The following HMCN1 variants were observed in gnomAD, a reference collection of about 807,000 sequenced individuals.
HMCN1 encodes hemicentin 1.
In HMCN1, 321 loss-of-function variants were observed where a neutral mutation model predicts 625.9. The observed-to-expected ratio is 0.51, with a 90% CI of 0.47 to 0.56. HMCN1 has a LOEUF of 0.56. Among genes scored for constraint, HMCN1 ranks in the 20% least tolerant of loss-of-function variants. The probability of loss-of-function intolerance (pLI) is 0.00; values close to 1 mark genes in which losing one functional copy is unlikely to be tolerated. For synonymous variants in HMCN1, 2,425 were observed against 2,417.6 expected (o/e 1.00, Z -0.09); for missense variants, 6,588 against 6,887.3 (o/e 0.96, Z 1.54).
intron 11 of HMCN1, among the ~76,000 whole-genome samples, chr1:185,938,928 GA>G (rs1268638587): frequency 1.3e-5 from 2 of 152,008 alleles, no homozygotes; most frequent in Non-Finnish European, 2.9e-5. Context: ...GAAAAAAAAG[GA>G]ATCCAAGAAT....
intron 1 of HMCN1, among the ~76,000 whole-genome samples, chr1:185,790,894 T>G (rs939968854): frequency 6.6e-6 from 1 of 152,190 alleles, no homozygotes; most frequent in Non-Finnish European, 1.5e-5. Flanking sequence ...TGTTTATTTA[T>G]GAGAGACTAA....
intron 11 of HMCN1, among the ~76,000 whole-genome samples, chr1:185,953,890 C>T (rs1189774217): frequency 6.9e-6 from 1 of 145,534 alleles, no homozygotes; most frequent in East Asian, 2.0e-4. Context: ...GGGGTGGGGC[C>T]GTTTTATAGG....
intron 1 of HMCN1, among the ~76,000 whole-genome samples, chr1:185,784,823 T>C (rs1318001877): frequency 6.6e-6 from 1 of 152,244 alleles, no homozygotes; most frequent in East Asian, 1.9e-4. Context: ...TTGATGAATT[T>C]GACAAATGCG....
At chr1:185,892,686 C>G (rs868562584) in intron 4 of HMCN1, among the ~76,000 whole-genome samples, 8,504 of 150,288 alleles carry the variant, frequency 0.057, 887 homozygotes, top group African/African-American at 0.2. Context: ...CTCCAGCTGC[C>G]TACTGGGAGA....
intron 1 of HMCN1, among the ~76,000 whole-genome samples, chr1:185,816,244 G>A (rs58609803): frequency 0.059 from 8,940 of 152,190 alleles, 882 homozygotes; most frequent in African/African-American, 0.2. Context: ...CCATGTGCTA[G>A]GCTGACTTTG....
intron 1 of HMCN1, among the ~76,000 whole-genome samples, chr1:185,793,746 C>T (rs577352095): frequency 1.8e-4 from 28 of 152,196 alleles, no homozygotes; most frequent in Admixed American, 3.3e-4. Context: ...TAAAGAGTCA[C>T]CCAGGGTTTT....
intron 51 of HMCN1, 103 bp downstream of exon 51, chr1:186,069,879 A>G (rs2102340480): frequency 1.3e-6 from 1 of 758,822 alleles, no homozygotes; most frequent in East Asian, 2.7e-5. Flanking sequence ...ACTCACCATT[A>G]AAGACTTGTT....
At chr1:186,005,515 A>T (rs187546768) in intron 29 of HMCN1, among the ~76,000 whole-genome samples, 10 of 148,562 alleles carry the variant, frequency 6.7e-5, no homozygotes. Context: ...CAAGTTTTTA[A>T]TTGTTTAAAT....
chr1:185,933,399 A>T, intron 10 of HMCN1, 150 bp from the exon 11 acceptor site: 1 of 745,116 alleles, frequency 1.3e-6, no homozygotes, highest in South Asian at 1.6e-5. Context: ...GAGGGGGCTC[A>T]TAGACATATG....
At chr1:185,998,364 T>C (rs930739807) in intron 25 of HMCN1, among the ~76,000 whole-genome samples, 9 of 152,274 alleles carry the variant, frequency 5.9e-5, no homozygotes, top group Admixed American at 2.0e-4. Context: ...TGTGGCAAGC[T>C]TTTCAATCTC....
chr1:186,010,357 G>A (rs1653920687), intron 30 of HMCN1, among the ~76,000 whole-genome samples: 1 of 152,152 alleles, frequency 6.6e-6, no homozygotes, highest in Non-Finnish European at 1.5e-5. Context: ...AAATGGAAGA[G>A]GAAGTGAAAT....
chr1:185,742,396 A>G (rs1456972465), intron 1 of HMCN1, among the ~76,000 whole-genome samples: 2 of 151,388 alleles, frequency 1.3e-5, no homozygotes, highest in Non-Finnish European at 3.0e-5. Context: ...CTGTATATAC[A>G]CAGTGGTAAG....
chr1:186,007,010 A>AT, intron 29 of HMCN1, 118 bp from the exon 30 acceptor site: 1 of 807,746 alleles, frequency 1.2e-6, no homozygotes, highest in Non-Finnish European at 2.1e-6. Context: ...ATATCATTTT[A>AT]TTTTTTAAAT....
At position 186,018,226 on chromosome 1, in the gene HMCN1, A is replaced by G. The variant is rs1334640083; in HGVS notation, c.5344A>G (p.Lys1782Glu). 4 of 1,612,910 alleles carry G rather than the reference A, an allele frequency of 2.5e-6. No individual in the cohort carries two copies. The South Asian group carries it at 4.4e-5, about 18-fold the overall frequency. The change falls in exon 34 of 107, where the codon AAG (lysine) becomes GAG (glutamate). Residue 1782 changes from lysine (K) to glutamate (E), a missense_variant. By Grantham distance (56) the Lys-to-Glu change is moderately conservative. Transcript: ENST00000271588. Reference protein sequence around the residue: ...GQLIDERDGFKILLNGRKLVI... With the variant: ...GQLIDERDGFEILLNGRKLVI... ...GTTAATTGATGAAAGGGATGGATTC[A>G]AGATTTTATTAAATGGACGCAAACT... is the stretch of plus-strand genomic sequence containing the variant.
intron 19 of HMCN1, among the ~76,000 whole-genome samples, chr1:185,986,276 G>T (rs1002182271): frequency 6.6e-6 from 1 of 152,008 alleles, no homozygotes; most frequent in Admixed American, 6.6e-5. Context: ...TGAGGTTTCT[G>T]GTGTCTCTAG....
chr1:186,098,496 C>G (rs1409241411), intron 68 of HMCN1, among the ~76,000 whole-genome samples: 1 of 152,024 alleles, frequency 6.6e-6, no homozygotes, highest in Non-Finnish European at 1.5e-5. Context: ...GAGATATCAC[C>G]TCACTCTAGT....
intron 3 of HMCN1, among the ~76,000 whole-genome samples, chr1:185,864,997 G>A (rs1185730506): frequency 6.6e-6 from 1 of 152,188 alleles, no homozygotes; most frequent in Non-Finnish European, 1.5e-5. Flanking sequence ...ATCAGCTATT[G>A]CTGCATGACA....
chr1:186,088,395 G>C, intron 62 of HMCN1, 119 bp downstream of exon 62: 1 of 1,494,548 alleles, frequency 6.7e-7, no homozygotes, highest in Non-Finnish European at 9.2e-7. Flanking sequence ...AGTTCAAGAA[G>C]GCTAACGCAC....
At chr1:186,000,370 G>C (rs900990731) in intron 26 of HMCN1, 131 bp downstream of exon 26, 8 of 694,452 alleles carry the variant, frequency 1.2e-5, no homozygotes, top group Non-Finnish European at 2.0e-5. Flanking sequence ...AAATCTGGTG[G>C]TATGATTGCA....
Sources: gnomAD v4.1 joint callset for allele counts (sites outside exome capture counted in the v4.1 genomes callset) on GRCh38, gnomAD v4.1.1 for gene constraint, MANE v1.5 for transcripts, NCBI Gene and HGNC (gene_info 2026-07-23, HGNC 2026-07-21) for gene names.